ASIC2: variants seen among roughly 807,000 people sequenced by gnomAD.
The protein encoded by ASIC2 is acid-sensing ion channel 2.
ASIC2 carries 25 observed loss-of-function variants against 57.3 expected under a neutral mutation model. The observed-to-expected ratio is 0.44, with a 90% CI of 0.32 to 0.61. The LOEUF is 0.61. Ranked by LOEUF, ASIC2 falls within the 20% of genes least tolerant of loss-of-function variation. The probability of loss-of-function intolerance (pLI) is 0.06; values close to 1 mark genes in which losing one functional copy is unlikely to be tolerated. For missense variants in ASIC2, 641 were observed against 738.1 expected, an observed-to-expected ratio of 0.87 and a Z score of 1.52; for synonymous variants, 319 against 307.5, an observed-to-expected ratio of 1.04 and a Z score of -0.39.
chr17:33,137,672 C>A (rs907474680), intron 1 of ASIC2, among the ~76,000 whole-genome samples: 1 of 152,180 alleles, frequency 6.6e-6, no homozygotes, highest in Non-Finnish European at 1.5e-5. Context: ...TCAGTGCTTA[C>A]ACCCAGAGTG....
At chr17:34,068,083 T>C (rs1335732868) in intron 1 of ASIC2, among the ~76,000 whole-genome samples, 1 of 152,208 alleles carries the variant, frequency 6.6e-6, no homozygotes, top group East Asian at 1.9e-4. Context: ...GACCAAGAAG[T>C]GGAGGCATTA....
At chr17:33,996,111 A>AT (rs1273554978) in intron 1 of ASIC2, among the ~76,000 whole-genome samples, 2 of 151,622 alleles carry the variant, frequency 1.3e-5, no homozygotes, top group Non-Finnish European at 2.9e-5. Context: ...GATGTTGAAC[A>AT]TTTTTTTTCA....
chr17:33,749,130 G>T (rs956164553), intron 1 of ASIC2, among the ~76,000 whole-genome samples: 1 of 152,154 alleles, frequency 6.6e-6, no homozygotes, highest in South Asian at 2.1e-4. Flanking sequence ...GAGAGAACCG[G>T]GTTGGGGTGC....
intron 1 of ASIC2, among the ~76,000 whole-genome samples, chr17:33,354,885 C>T (rs1283175124): frequency 2.0e-5 from 3 of 152,130 alleles, no homozygotes; most frequent in Non-Finnish European, 4.4e-5. Context: ...ACATGTGCAC[C>T]TATTTCCATG....
intron 1 of ASIC2, among the ~76,000 whole-genome samples, chr17:34,034,183 C>T (rs1907756939): frequency 6.6e-6 from 1 of 152,146 alleles, no homozygotes; most frequent in South Asian, 2.1e-4. Context: ...GGGCTTCATC[C>T]CTGGAATGCA....
chr17:33,736,161 G>A (rs1050505523), intron 1 of ASIC2, among the ~76,000 whole-genome samples: 5 of 151,906 alleles, frequency 3.3e-5, no homozygotes, highest in Non-Finnish European at 7.4e-5. Context: ...CTGTCTCAAC[G>A]GGTCTGCTGG....
At chr17:33,677,523 C>T (rs1319279556) in intron 1 of ASIC2, among the ~76,000 whole-genome samples, 1 of 152,176 alleles carries the variant, frequency 6.6e-6, no homozygotes, top group Non-Finnish European at 1.5e-5. Context: ...AAAGGATTCA[C>T]CATTCTAGAT....
intron 1 of ASIC2, among the ~76,000 whole-genome samples, chr17:33,842,769 A>C (rs1909250037): frequency 6.6e-6 from 1 of 152,162 alleles, no homozygotes; most frequent in African/African-American, 2.4e-5. Flanking sequence ...TGAGAGAGGC[A>C]AGCACTGGGA....
intron 1 of ASIC2, among the ~76,000 whole-genome samples, chr17:33,370,994 CACTCT>C (rs1567838918): frequency 6.6e-6 from 1 of 152,050 alleles, no homozygotes; most frequent in Non-Finnish European, 1.5e-5. Context: ...GGAACACGCC[CACTCT>C]AGGTATAATG....
intron 1 of ASIC2, among the ~76,000 whole-genome samples, chr17:33,550,604 A>T (rs992543613): frequency 6.6e-6 from 1 of 152,212 alleles, no homozygotes; most frequent in Non-Finnish European, 1.5e-5. Context: ...TGTCTATATC[A>T]CCTACTGGCT....
intron 1 of ASIC2, among the ~76,000 whole-genome samples, chr17:33,146,725 G>A (rs983996953): frequency 3.3e-5 from 5 of 152,220 alleles, no homozygotes; most frequent in African/African-American, 1.2e-4. Context: ...TCATCTGCTC[G>A]ACCTTGGCTT....
At chr17:34,105,247 T>C (rs1387445214) in intron 1 of ASIC2, among the ~76,000 whole-genome samples, 2 of 152,022 alleles carry the variant, frequency 1.3e-5, no homozygotes, top group Non-Finnish European at 2.9e-5. Flanking sequence ...ATTTTTTAAA[T>C]AGTATTTTCT....
chr17:33,674,060 A>C (rs1000003227), intron 1 of ASIC2, among the ~76,000 whole-genome samples: 5 of 151,918 alleles, frequency 3.3e-5, no homozygotes, highest in Non-Finnish European at 7.4e-5. Flanking sequence ...AGCCCAGCTA[A>C]TTTTTTTGTA....
At position 33,946,590 on chromosome 17, in the gene ASIC2, C is replaced by T. The variant is rs929279390; in HGVS notation, c.555+209388G>A. Reference sequence around the variant, plus strand: ...TGACTTCATATAGAAATGAACGAGACATGTTCACTGCCTTCTAGGACTCAT... The same window carrying T: ...TGACTTCATATAGAAATGAACGAGATATGTTCACTGCCTTCTAGGACTCAT... On this transcript the variant is annotated intron_variant, in intron 1 of 9. Coordinates refer to the ASIC2 transcript ENST00000359872. Among the ~76,000 whole-genome samples the T allele has an allele frequency of 2.0e-5, 3 of 152,190 alleles. No individual in the cohort carries two copies. The South Asian group carries it at 6.2e-4, about 31-fold the overall frequency.
chr17:33,834,036 C>T (rs1913194848), intron 1 of ASIC2: 1 of 152,192 alleles, frequency 6.6e-6, no homozygotes, highest in African/African-American at 2.4e-5. Flanking sequence ...GCACTTCATC[C>T]TGGATGGGAG....
intron 1 of ASIC2, 49 bp downstream of exon 1, chr17:33,291,359 C>T (rs1381752666): frequency 6.5e-7 from 1 of 1,547,722 alleles, no homozygotes; most frequent in Non-Finnish European, 8.7e-7. Context: ...CTCCTGACTG[C>T]CGGGGAGTGG....
At position 33,292,773 on chromosome 17, in the gene ASIC2, C is replaced by T. The variant is rs1179793219; in HGVS notation, c.-658G>A. ...CGGCTGCCGCCTTCTTTCCCTTCCCCTCCAGGACCCTTCCTTGTTACTGCT... is the reference window on the plus strand; with the variant it reads ...CGGCTGCCGCCTTCTTTCCCTTCCCTTCCAGGACCCTTCCTTGTTACTGCT... On this transcript the variant is annotated 5_prime_UTR_variant, in exon 1 of 10. Transcript: ENST00000225823. 1.0e-6 allele frequency: 1 copy of T among 985,924 alleles called. No individual in the cohort carries two copies. The highest frequency in any genetic ancestry group is 1.7e-5 in the African/African-American group (1 of 57,240). 61.1% of individuals were successfully genotyped at this position (985,924 alleles called of 1,614,324 possible). A position where few individuals can be genotyped will look rare whatever the true frequency, so the allele number is the denominator to read the frequency against.
At chr17:33,365,485 C>T (rs879789187) in intron 1 of ASIC2, among the ~76,000 whole-genome samples, 12 of 151,778 alleles carry the variant, frequency 7.9e-5, no homozygotes, top group African/African-American at 2.2e-4. Context: ...TTAGAAGATT[C>T]GTTCATTATC....
chr17:33,554,542 C>T (rs1915846299), intron 1 of ASIC2, among the ~76,000 whole-genome samples: 1 of 152,056 alleles, frequency 6.6e-6, no homozygotes, highest in African/African-American at 2.4e-5. Context: ...TCCAAAAGGG[C>T]CTGGGGTTGC....
Sources: gnomAD v4.1 joint callset for allele counts (sites outside exome capture counted in the v4.1 genomes callset) on GRCh38, gnomAD v4.1.1 for gene constraint, MANE v1.5 for transcripts, NCBI Gene and HGNC (gene_info 2026-07-23, HGNC 2026-07-21) for gene names.